MAGI2: variants seen among roughly 807,000 people sequenced by gnomAD.
MAGI2 encodes membrane associated guanylate kinase, WW and PDZ domain containing 2, also known as membrane-associated guanylate kinase, WW and PDZ domain-containing protein 2.
A neutral mutation model predicts 133.3 loss-of-function variants in MAGI2; 35 were observed. That is an observed-to-expected ratio of 0.26 (90% CI 0.20 to 0.35). The LOEUF is 0.35. MAGI2 is among the 10% of genes least tolerant of loss of function. The pLI is 1.00. For synonymous variants in MAGI2, 729 were observed against 710.6 expected (o/e 1.03, Z -0.41); for missense variants, 1,636 against 1,863.4 (o/e 0.88, Z 2.25).
chr7:78,705,819 G>C (rs1304075482), intron 2 of MAGI2, among the ~76,000 whole-genome samples: 1 of 152,088 alleles, frequency 6.6e-6, no homozygotes, highest in Non-Finnish European at 1.5e-5. Context: ...GACTGGAAAT[G>C]AACTTTTCTA....
At chr7:79,244,986 C>T (rs1832718512) in intron 1 of MAGI2, among the ~76,000 whole-genome samples, 1 of 152,140 alleles carries the variant, frequency 6.6e-6, no homozygotes, top group Non-Finnish European at 1.5e-5. Context: ...TCTTCCAAAA[C>T]CTAACTCTAA....
At position 78,149,723 on chromosome 7, in the gene MAGI2, C is replaced by T. The variant is rs144983066; in HGVS notation, c.2845+10302G>A. Among the ~76,000 whole-genome samples, 137 of 152,318 alleles carry T rather than the reference C, an allele frequency of 9.0e-4. 1 individual carries two copies. Among genetic ancestry groups the T allele is most frequent in the Non-Finnish European group, 1.7e-3 (118 of 68,024 alleles). On this transcript the variant is annotated intron_variant, in intron 16 of 21. Coordinates refer to ENST00000354212, the MANE Select transcript of MAGI2 (RefSeq NM_012301.4). Reference sequence around the variant, plus strand: ...TTCTTGCTTTCTGGAAGACCCTCCTCTCATGATGAATCCGTAAGTATACAT... The same window carrying T: ...TTCTTGCTTTCTGGAAGACCCTCCTTTCATGATGAATCCGTAAGTATACAT...
At chr7:78,071,530 C>T (rs1326593667) in intron 21 of MAGI2, among the ~76,000 whole-genome samples, 1 of 152,062 alleles carries the variant, frequency 6.6e-6, no homozygotes, top group Non-Finnish European at 1.5e-5. Flanking sequence ...GAGCCAGACC[C>T]TGTCCCCGCT....
chr7:78,328,011 A>G (rs1225845986), intron 9 of MAGI2, among the ~76,000 whole-genome samples: 1 of 152,206 alleles, frequency 6.6e-6, no homozygotes, highest in African/African-American at 2.4e-5. Context: ...TAGAATTTGC[A>G]GCTCTGAATA....
intron 1 of MAGI2, among the ~76,000 whole-genome samples, chr7:79,071,859 C>T (rs758489909): frequency 2.6e-5 from 4 of 152,072 alleles, no homozygotes; most frequent in Non-Finnish European, 5.9e-5. Context: ...GTGCTAGTAG[C>T]GAAAATTTCA....
intron 1 of MAGI2, among the ~76,000 whole-genome samples, chr7:79,157,285 G>T (rs1286844568): frequency 6.6e-6 from 1 of 151,982 alleles, no homozygotes; most frequent in Non-Finnish European, 1.5e-5. Context: ...CAGTGTCTGG[G>T]GGATTGACAC....
At chr7:78,069,463 G>GTGTGTATGTGTGTTTGTGTA (rs1814216587) in intron 21 of MAGI2, among the ~76,000 whole-genome samples, 1 of 150,526 alleles carries the variant, frequency 6.6e-6, no homozygotes, top group African/African-American at 2.4e-5. Context: ...CTAAGACTGT[G>GTGTGTATGTGTGTTTGTGTA]TGTGTATGTG....
At chr7:78,561,401 G>C (rs1288392191) in intron 3 of MAGI2, among the ~76,000 whole-genome samples, 1 of 152,188 alleles carries the variant, frequency 6.6e-6, no homozygotes, top group African/African-American at 2.4e-5. Flanking sequence ...AGGTTAGCAT[G>C]AAAGAAGACT....
intron 1 of MAGI2, among the ~76,000 whole-genome samples, chr7:79,036,255 C>G (rs924032752): frequency 6.6e-6 from 1 of 152,148 alleles, no homozygotes; most frequent in South Asian, 2.1e-4. Flanking sequence ...CAAGTATCTT[C>G]GTCTCTTATT....
intron 2 of MAGI2, among the ~76,000 whole-genome samples, chr7:78,674,815 T>G (rs1300941644): frequency 6.6e-6 from 1 of 152,116 alleles, no homozygotes; most frequent in Non-Finnish European, 1.5e-5. Flanking sequence ...TAATTATAAG[T>G]TTAAGACCAA....
intron 1 of MAGI2, among the ~76,000 whole-genome samples, chr7:79,114,136 A>AG (rs1260042713): frequency 6.6e-6 from 1 of 152,192 alleles, no homozygotes; most frequent in Admixed American, 6.5e-5. Context: ...TCTAAAATCA[A>AG]GCCTGCTGAG....
intron 2 of MAGI2, among the ~76,000 whole-genome samples, chr7:78,646,776 C>T (rs969959184): frequency 1.3e-5 from 2 of 152,166 alleles, no homozygotes; most frequent in African/African-American, 4.8e-5. Flanking sequence ...AATCTAAAAC[C>T]ATCCTTTAGC....
intron 1 of MAGI2, among the ~76,000 whole-genome samples, chr7:79,316,067 A>G (rs545964765): frequency 6.6e-6 from 1 of 152,220 alleles, no homozygotes; most frequent in South Asian, 2.1e-4. Flanking sequence ...AATTGTGAGG[A>G]TTAAATGTAA....
chr7:78,287,153 G>A (rs1796226011), intron 9 of MAGI2, among the ~76,000 whole-genome samples: 1 of 152,176 alleles, frequency 6.6e-6, no homozygotes, highest in African/African-American at 2.4e-5. Context: ...CAACTGGAAT[G>A]TAAAATAACT....
chr7:78,065,706 A>G, intron 21 of MAGI2: 2 of 598,740 alleles, frequency 3.3e-6, no homozygotes, highest in Non-Finnish European at 5.9e-6. Flanking sequence ...CATTAGAATT[A>G]ACAGAACCAG....
chr7:78,965,685 C>T (rs1249251077), intron 2 of MAGI2, among the ~76,000 whole-genome samples: 1 of 151,948 alleles, frequency 6.6e-6, no homozygotes, highest in South Asian at 2.1e-4. Flanking sequence ...ATATTTTAAA[C>T]TATGACGTAC....
At chr7:78,628,481 A>G (rs1324078146) in intron 2 of MAGI2, among the ~76,000 whole-genome samples, 1 of 152,180 alleles carries the variant, frequency 6.6e-6, no homozygotes, top group Non-Finnish European at 1.5e-5. Flanking sequence ...CTATTAGAAT[A>G]AAATCTGGAC....
intron 6 of MAGI2, among the ~76,000 whole-genome samples, chr7:78,445,002 C>T (rs1787991462): frequency 6.6e-6 from 1 of 150,994 alleles, no homozygotes; most frequent in African/African-American, 2.4e-5. Flanking sequence ...ATTCAAATTC[C>T]CCTGTCTTGA....
At chr7:78,231,958 C>T (rs1416939585) in intron 10 of MAGI2, among the ~76,000 whole-genome samples, 1 of 151,612 alleles carries the variant, frequency 6.6e-6, no homozygotes, top group Non-Finnish European at 1.5e-5. Flanking sequence ...AATACAACCC[C>T]AAAATGACCC....
Sources: allele counts gnomAD v4.1 joint callset (sites outside exome capture counted in the v4.1 genomes callset), GRCh38; gene constraint gnomAD v4.1.1; transcripts MANE v1.5; gene names NCBI Gene and HGNC (gene_info 2026-07-23, HGNC 2026-07-21).